The following ADGRV1 variants were observed in gnomAD, a reference collection of about 807,000 sequenced individuals.
ADGRV1 encodes the protein G-protein coupled receptor 98.
Under a neutral mutation model 596.2 loss-of-function variants are expected in ADGRV1, and 359 were observed. The observed-to-expected ratio is 0.60, with a 90% CI of 0.55 to 0.66. ADGRV1 has a LOEUF of 0.66. Among genes scored for constraint, ADGRV1 ranks in the 30% least tolerant of loss-of-function variants. The pLI, the probability that ADGRV1 is intolerant of heterozygous loss-of-function variation, is 0.00. For missense variants in ADGRV1, 7,274 were observed against 7,575.6 expected (o/e 0.96, Z 1.48); for synonymous variants, 2,681 against 2,679.2 (o/e 1.00, Z -0.02).
rs1763414763 is a variant in ADGRV1, at chr5:90,820,790, T to C, written c.16197-2635T>C. ...GGGTTTCTGCCGAGAGATCCGCTGTTAGTCTGATGGGCTTCCCTATGAGGG... is the reference window on the plus strand; with the variant it reads ...GGGTTTCTGCCGAGAGATCCGCTGTCAGTCTGATGGGCTTCCCTATGAGGG... On this transcript the variant is annotated intron_variant, in intron 75 of 89. Transcript: ENST00000405460. 2.0e-5 allele frequency among the ~76,000 whole-genome samples: 3 copies of C among 152,124 alleles called. No individual in the cohort carries two copies. The South Asian group carries it at 6.2e-4, about 32-fold the overall frequency.
chr5:90,608,121 C>G (rs1236894393), intron 1 of ADGRV1, among the ~76,000 whole-genome samples: 2 of 151,306 alleles, frequency 1.3e-5, no homozygotes, highest in African/African-American at 4.9e-5. Flanking sequence ...GGAAGCAGAG[C>G]AAAAATCAAA....
intron 29 of ADGRV1, among the ~76,000 whole-genome samples, chr5:90,687,426 A>G (rs985682024): frequency 6.6e-6 from 1 of 152,178 alleles, no homozygotes; most frequent in African/African-American, 2.4e-5. Context: ...AGCTTTCTAC[A>G]TATGGCTAGT....
intron 33 of ADGRV1, among the ~76,000 whole-genome samples, chr5:90,696,423 C>T (rs1447715476): frequency 6.6e-6 from 1 of 152,098 alleles, no homozygotes; most frequent in Non-Finnish European, 1.5e-5. Context: ...TAGGCTGGTT[C>T]TTTTGCTCAG....
intron 85 of ADGRV1, among the ~76,000 whole-genome samples, chr5:90,996,218 A>G (rs932933175): frequency 6.6e-6 from 1 of 152,198 alleles, no homozygotes; most frequent in Non-Finnish European, 1.5e-5. Context: ...CTATCCCATT[A>G]CAAGCCCAGA....
intron 79 of ADGRV1, among the ~76,000 whole-genome samples, chr5:90,850,396 T>C (rs898410145): frequency 2.0e-5 from 3 of 152,190 alleles, no homozygotes; most frequent in Admixed American, 2.0e-4. Flanking sequence ...TGCTCCTAAA[T>C]GTCCATCTGA....
chr5:91,053,987 A>C (rs1471852030), intron 85 of ADGRV1, among the ~76,000 whole-genome samples: 2 of 152,112 alleles, frequency 1.3e-5, no homozygotes. Context: ...GCATAAGATC[A>C]AGAATTTTGT....
At chr5:90,818,294 C>T (rs1393641575) in intron 75 of ADGRV1, among the ~76,000 whole-genome samples, 2 of 150,358 alleles carry the variant, frequency 1.3e-5, no homozygotes, top group Admixed American at 6.6e-5. Context: ...AAGTTGCTTA[C>T]CAGCTTAAGG....
rs572528054 is a variant in ADGRV1 at position 90,663,290 on chromosome 5, T to G, written c.4752+5012T>G. Among the ~76,000 whole-genome samples the G allele has an allele frequency of 4.1e-5, 6 of 148,088 alleles. No individual in the cohort carries two copies. In the South Asian group the frequency reaches 1.1e-3, roughly 27 times the overall value. ...CAGCACCTGTTGTTTCCTGACTTTTTAATGATTGCCATTCTAACTGGTGTG... is the reference window on the plus strand; with the variant it reads ...CAGCACCTGTTGTTTCCTGACTTTTGAATGATTGCCATTCTAACTGGTGTG... On this transcript the variant is annotated intron_variant, in intron 21 of 89. Coordinates refer to ENST00000405460, the MANE Select transcript of ADGRV1 (RefSeq NM_032119.4).
At chr5:90,906,098 A>C (rs767360724) in intron 83 of ADGRV1, among the ~76,000 whole-genome samples, 1 of 152,068 alleles carries the variant, frequency 6.6e-6, no homozygotes, top group Non-Finnish European at 1.5e-5. Context: ...ATGATGAATA[A>C]TGTTTTTAAT....
At chr5:90,764,150 C>T (rs1256540141) in intron 59 of ADGRV1, among the ~76,000 whole-genome samples, 1 of 152,140 alleles carries the variant, frequency 6.6e-6, no homozygotes, top group Non-Finnish European at 1.5e-5. Context: ...CTCTCGTGCC[C>T]GTGTTGCAGG....
intron 87 of ADGRV1, among the ~76,000 whole-genome samples, chr5:91,148,872 G>A (rs183307395): frequency 7.0e-4 from 107 of 152,352 alleles, no homozygotes; most frequent in African/African-American, 2.1e-3. Flanking sequence ...TTGCATCAGC[G>A]TGAACCTGGA....
chr5:90,927,728 G>T (rs371374054), intron 83 of ADGRV1, among the ~76,000 whole-genome samples: 1 of 152,062 alleles, frequency 6.6e-6, no homozygotes, highest in Non-Finnish European at 1.5e-5. Flanking sequence ...TCCTAGTCTT[G>T]ATGGTCTTTA....
Position 90,810,613 on chromosome 5 carries a change from G to T in ADGRV1, c.15353G>T (p.Ser5118Ile), listed in dbSNP as rs756275299. Residue 5118 changes from serine (S) to isoleucine (I), a missense_variant, in exon 74 of 90, where the codon AGT becomes ATT. Ser to Ile is a moderately radical substitution (Grantham distance 142, BLOSUM62 -2). This residue lies in a region of ADGRV1 where 1,874 missense variants were observed against 1,970.2 expected (regional missense o/e 0.95). Transcript: ENST00000405460. The stretch of plus-strand genomic sequence containing the variant: ...AGCCCACGCCTGAATCTAGATTTCA[G>T]TGTTGCAGTGATTACAATATTGGAT... ...NWSPRLNLDF[S>I]VAVITILDND... is the part of the protein sequence containing the mutation. 3 of 1,613,852 alleles carry T rather than the reference G, an allele frequency of 1.9e-6. No individual in the cohort carries two copies. The highest frequency in any genetic ancestry group is 2.5e-6 in the Non-Finnish European group (3 of 1,179,906).
Position 90,637,760 on chromosome 5 carries a change from C to T in ADGRV1, c.2052C>T (p.Gly684=). Residue 684 remains glycine, a synonymous_variant, in exon 11 of 90, where the codon GGC becomes GGT. Coordinates refer to ENST00000405460, the MANE Select transcript of ADGRV1 (RefSeq NM_032119.4). ...CCTTACATCGGGATGGAACTGATGG[C>T]CAGGCTACTGTCTACTGGAGTTTGA... The part of the protein sequence containing the change: ...YIPLHRDGTD[G]QATVYWSLKP... 1 of 1,612,964 alleles carries T rather than the reference C, an allele frequency of 6.2e-7. No individual in the cohort carries two copies. The highest frequency in any genetic ancestry group is 8.5e-7 in the Non-Finnish European group (1 of 1,179,476).
At chr5:90,589,082 T>A (rs1480151200) in intron 1 of ADGRV1, among the ~76,000 whole-genome samples, 2 of 152,148 alleles carry the variant, frequency 1.3e-5, no homozygotes, top group Admixed American at 1.3e-4. Flanking sequence ...GGCAATTGAT[T>A]AGCCTAAATT....
chr5:90,875,346 A>C (rs900451291), intron 83 of ADGRV1, among the ~76,000 whole-genome samples: 4 of 152,280 alleles, frequency 2.6e-5, no homozygotes, highest in Non-Finnish European at 4.4e-5. Context: ...AAATGCTTAT[A>C]AAGAGAAGTC....
At chr5:90,955,225 A>G (rs1262908037) in intron 83 of ADGRV1, among the ~76,000 whole-genome samples, 1 of 152,160 alleles carries the variant, frequency 6.6e-6, no homozygotes, top group African/African-American at 2.4e-5. Context: ...CAGTCTCTGT[A>G]ATAACATTTG....
intron 87 of ADGRV1, among the ~76,000 whole-genome samples, chr5:91,140,459 C>T (rs1434359313): frequency 6.6e-6 from 1 of 152,058 alleles, no homozygotes; most frequent in East Asian, 1.9e-4. Flanking sequence ...AATAAATAAT[C>T]TTATTTATTA....
rs201948830 is a variant in ADGRV1, at chr5:90,664,825, G to A, written c.4752+6547G>A. ...TTTATTGAGAGTTTTTAGCATGAAG[G>A]GTTGTTGAATGTTGTCAAAGGCCTT... On this transcript the variant is annotated intron_variant, in intron 21 of 89. Coordinates refer to ENST00000405460, the MANE Select transcript of ADGRV1 (RefSeq NM_032119.4). Among the ~76,000 whole-genome samples the A allele has an allele frequency of 6.5e-5, 9 of 138,748 alleles. 1 individual carries two copies. The highest frequency in any genetic ancestry group is 6.0e-4 in the Admixed American group (8 of 13,442). The allele number at this position is 138,748 out of a possible 152,430, so 91.0% of individuals were successfully genotyped here.
Sources: gnomAD v4.1 joint callset for allele counts (sites outside exome capture counted in the v4.1 genomes callset) on GRCh38, gnomAD v4.1.1 for gene constraint, gnomAD v4.1.1 regional missense constraint, MANE v1.5 for transcripts, NCBI Gene and HGNC (gene_info 2026-07-23, HGNC 2026-07-21) for gene names.